Variants in MARCHF7 observed in about 807,000 individuals in gnomAD.
The protein encoded by MARCHF7 is E3 ubiquitin-protein ligase MARCHF7.
Under a neutral mutation model 76.5 loss-of-function variants are expected in MARCHF7, and 20 were observed. That is an observed-to-expected ratio of 0.26 (90% CI 0.18 to 0.38). MARCHF7 has a LOEUF of 0.38. Among genes scored for constraint, MARCHF7 ranks in the 10% least tolerant of loss-of-function variants. MARCHF7 has a pLI of 1.00. For synonymous variants in MARCHF7, 295 were observed against 293.0 expected, an observed-to-expected ratio of 1.01 and a Z score of -0.07; for missense variants, 797 against 812.9, an observed-to-expected ratio of 0.98 and a Z score of 0.24.
intron 4 of MARCHF7, among the ~76,000 whole-genome samples, chr2:159,742,683 C>T (rs957753429): frequency 6.6e-6 from 1 of 152,110 alleles, no homozygotes; most frequent in Non-Finnish European, 1.5e-5. Flanking sequence ...CACAGAGGCT[C>T]GTGCCTGTAA....
At chr2:159,765,002 A>G (rs188016870) in intron 11 of MARCHF7, among the ~76,000 whole-genome samples, 17 of 152,172 alleles carry the variant, frequency 1.1e-4, no homozygotes, top group Non-Finnish European at 2.1e-4. Flanking sequence ...AACATTTCTT[A>G]ATCTGTTAGG....
chr2:159,748,270 G>T lies in MARCHF7; in HGVS notation c.980G>T (p.Arg327Leu). 1 of 1,613,612 alleles carries T rather than the reference G, an allele frequency of 6.2e-7. No homozygotes were observed. The highest frequency in any genetic ancestry group is 8.5e-7 in the Non-Finnish European group (1 of 1,179,998). Residue 327 changes from arginine (R) to leucine (L), a missense_variant, in exon 7 of 12, where the codon CGT becomes CTT. Arg to Leu is a moderately radical substitution (Grantham distance 102). This residue lies in a region of MARCHF7 where 643 missense variants were observed against 631.5 expected (regional missense o/e 1.02). Transcript: ENST00000409175. ...AGAATCTTGACAGCTTCACAGTCCCGTAGTAATGTACCATCAGCTTCTGAA... is the reference window on the plus strand; with the variant it reads ...AGAATCTTGACAGCTTCACAGTCCCTTAGTAATGTACCATCAGCTTCTGAA... ...SPRILTASQS[R>L]SNVPSASEVP...
intron 9 of MARCHF7, among the ~76,000 whole-genome samples, chr2:159,760,823 T>G (rs1483049235): frequency 1.3e-5 from 2 of 152,202 alleles, no homozygotes; most frequent in Non-Finnish European, 2.9e-5. Flanking sequence ...ACCCATATTC[T>G]TTAGAAGTTT....
At chr2:159,732,020 C>T (rs1388631603) in intron 4 of MARCHF7, among the ~76,000 whole-genome samples, 1 of 152,040 alleles carries the variant, frequency 6.6e-6, no homozygotes, top group Non-Finnish European at 1.5e-5. Flanking sequence ...AGGAGAATGG[C>T]ATGAACCCTG....
At chr2:159,734,201 C>T in intron 4 of MARCHF7, 1 of 847,060 alleles carries the variant, frequency 1.2e-6, no homozygotes, top group Non-Finnish European at 1.6e-6. Flanking sequence ...TTTAAGGAAG[C>T]ACTAATCTGT....
chr2:159,764,212 TTGTGTGTGTGTGTGTGTGTGTG>T (rs377705664), intron 10 of MARCHF7, among the ~76,000 whole-genome samples: 12 of 138,566 alleles, frequency 8.7e-5, no homozygotes, highest in African/African-American at 1.7e-4. Flanking sequence ...CTTGGGAGTT[TTGTGTGTGTGTGTGTGTGTGTG>T]TGTGTGTGTG....
Position 159,748,189 on chromosome 2 carries a change from G to C in MARCHF7, c.899G>C (p.Ser300Thr), listed in dbSNP as rs1705135371. Reference sequence around the variant, plus strand: ...TCTACTTTTTTTTCACGAAGATCTAGTCAGGATTCCTTGAATACAAGATCA... The same window carrying C: ...TCTACTTTTTTTTCACGAAGATCTACTCAGGATTCCTTGAATACAAGATCA... ...MSSTFFSRRS[S>T]QDSLNTRSLN... is the part of the protein sequence containing the mutation. Residue 300 changes from serine (S) to threonine (T), a missense_variant, in exon 7 of 12, where the codon AGT becomes ACT. Ser to Thr is a moderately conservative substitution (Grantham distance 58). This residue lies in a region of MARCHF7 where 643 missense variants were observed against 631.5 expected (regional missense o/e 1.02). Coordinates refer to ENST00000409175, the MANE Select transcript of MARCHF7 (RefSeq NM_001282805.2). 2 of 1,613,442 alleles carry C rather than the reference G, an allele frequency of 1.2e-6. No individual in the cohort carries two copies. Among genetic ancestry groups the C allele is most frequent in the Admixed American group, 1.7e-5 (1 of 59,890 alleles).
intron 5 of MARCHF7, among the ~76,000 whole-genome samples, chr2:159,744,573 A>C (rs892750846): frequency 6.6e-6 from 1 of 152,240 alleles, no homozygotes; most frequent in Non-Finnish European, 1.5e-5. Context: ...ATTGGAGGTA[A>C]AATTCTTTAA....
At chr2:159,724,514 T>G (rs895467680) in intron 3 of MARCHF7, among the ~76,000 whole-genome samples, 39 of 152,194 alleles carry the variant, frequency 2.6e-4, no homozygotes, top group Non-Finnish European at 2.9e-5. Context: ...ATGTTACATT[T>G]GCTATTTCTT....
At position 159,764,255 on chromosome 2, in the gene MARCHF7, T is replaced by TGTGTGTGCGCGC. The variant is rs10592175; in HGVS notation, c.2008-370_2008-369insTGTGTGCGCGCG. ...GTGTGTGTGTGTGTGTGTGTGTGTGTGCGCGCGCCCACTGAAACTGAATTT... is the reference window on the plus strand; with the variant it reads ...GTGTGTGTGTGTGTGTGTGTGTGTGTGTGTGTGCGCGCGCGCGCGCCCACTGAAACTGAATTT... On this transcript the variant is annotated intron_variant, in intron 10 of 11. Transcript: ENST00000409175. Among the ~76,000 whole-genome samples, 189 of 131,456 alleles carry TGTGTGTGCGCGC rather than the reference T, an allele frequency of 1.4e-3. No homozygotes were observed. In the East Asian group the frequency reaches 0.017, roughly 12 times the overall value. The allele number at this position is 131,456 out of a possible 152,430, so 86.2% of individuals were successfully genotyped here.
chr2:159,717,922 A>G (rs1234905521), intron 3 of MARCHF7, among the ~76,000 whole-genome samples: 2 of 152,190 alleles, frequency 1.3e-5, no homozygotes, highest in Non-Finnish European at 2.9e-5. Context: ...CCTGTATGTA[A>G]ATCTGAATGA....
intron 1 of MARCHF7, 31 bp downstream of exon 1, chr2:159,712,637 G>T (rs1163748213): frequency 1.3e-5 from 2 of 152,556 alleles, no homozygotes; most frequent in South Asian, 4.1e-4. Flanking sequence ...GACGCGCACT[G>T]GTCGGTGCCG....
intron 3 of MARCHF7, among the ~76,000 whole-genome samples, chr2:159,727,101 A>G (rs1333226294): frequency 5.9e-5 from 9 of 152,244 alleles, no homozygotes; most frequent in Non-Finnish European, 8.8e-5. Flanking sequence ...ATGCATAACT[A>G]TGCATACAAT....
intron 8 of MARCHF7, among the ~76,000 whole-genome samples, chr2:159,757,589 G>T (rs1706490236): frequency 6.6e-6 from 1 of 152,194 alleles, no homozygotes; most frequent in South Asian, 2.1e-4. Flanking sequence ...GCTGCAGCGA[G>T]CCGTGATCAT....
chr2:159,760,717 TTTTG>T (rs757296997), intron 9 of MARCHF7, among the ~76,000 whole-genome samples: 38 of 151,802 alleles, frequency 2.5e-4, no homozygotes, highest in Non-Finnish European at 5.0e-4. Context: ...CCTTTTTTGT[TTTTG>T]TTTTTGTTTT....
chr2:159,748,674 T>G lies in MARCHF7; in HGVS notation c.1384T>G (p.Ser462Ala), dbSNP rs1471385078. The G allele has an allele frequency of 1.2e-6, 2 of 1,614,058 alleles. No homozygotes were observed. The highest frequency in any genetic ancestry group is 2.7e-5 in the African/African-American group (2 of 74,938). Residue 462 changes from serine to alanine, a missense_variant, in exon 7 of 12, where the codon TCT (serine) becomes GCT (alanine). By Grantham distance (99) the Ser-to-Ala change is moderately conservative. This residue lies in a region of MARCHF7 where 643 missense variants were observed against 631.5 expected (regional missense o/e 1.02). Transcript: ENST00000409175. ...AASSSATTGG[S>A]TSDSAQGGRN... ...ATCAAGCAGTGCCACAACAGGTGGC[T>G]CTACATCAGATTCGGCTCAAGGTGG... is the stretch of plus-strand genomic sequence containing the variant.
chr2:159,720,606 T>C (rs187850257), intron 3 of MARCHF7, among the ~76,000 whole-genome samples: 8 of 152,330 alleles, frequency 5.3e-5, no homozygotes, highest in Admixed American at 2.6e-4. Context: ...TAGTATCTTA[T>C]TTTGCTGTAT....
chr2:159,749,596 C>T (rs1705363300), intron 7 of MARCHF7, among the ~76,000 whole-genome samples: 1 of 152,134 alleles, frequency 6.6e-6, no homozygotes, highest in African/African-American at 2.4e-5. Flanking sequence ...GATCCACCTG[C>T]CTCCACCTCT....
At chr2:159,758,999 A>C (rs1423913367) in intron 8 of MARCHF7, among the ~76,000 whole-genome samples, 1 of 152,228 alleles carries the variant, frequency 6.6e-6, no homozygotes, top group Non-Finnish European at 1.5e-5. Flanking sequence ...AAGGTATCTA[A>C]ATAATGGTGG....
Sources: allele counts gnomAD v4.1 joint callset (sites outside exome capture counted in the v4.1 genomes callset), GRCh38; gene constraint gnomAD v4.1.1; regional missense constraint gnomAD v4.1.1; transcripts MANE v1.5; gene names NCBI Gene and HGNC (gene_info 2026-07-23, HGNC 2026-07-21).